TRIOBP: variants seen among roughly 807,000 people sequenced by gnomAD.
TRIOBP encodes the protein TRIO and F-actin-binding protein.
TRIOBP carries 169 observed loss-of-function variants against 238.8 expected under a neutral mutation model. That is an observed-to-expected ratio of 0.71 (90% CI 0.62 to 0.80). The LOEUF is 0.80. Among genes scored for constraint, TRIOBP ranks in the 30% least tolerant of loss-of-function variants. TRIOBP has a pLI of 0.00. For missense variants in TRIOBP, 2,838 were observed against 3,122.6 expected, an observed-to-expected ratio of 0.91 and a Z score of 2.17; for synonymous variants, 1,150 against 1,274.4, an observed-to-expected ratio of 0.90 and a Z score of 2.08.
rs1208906158 is a variant in TRIOBP, at chr22:37,725,213, C to G, written c.2657C>G (p.Ser886Cys). 3 of 1,614,056 alleles carry G rather than the reference C, an allele frequency of 1.9e-6. No individual in the cohort carries two copies. The highest frequency in any genetic ancestry group is 1.1e-5 in the South Asian group (1 of 91,082). Residue 886 changes from serine (S) to cysteine (C), a missense_variant, in exon 7 of 24, where the codon TCC becomes TGC. Physicochemically the swap from Ser to Cys is moderately radical, Grantham distance 112. This residue lies in a region of TRIOBP where 2,096 missense variants were observed against 2,137.4 expected (regional missense o/e 0.98). Coordinates refer to ENST00000644935, the MANE Select transcript of TRIOBP (RefSeq NM_001039141.3). ...CTGAGACCATCATCTCCCCACCGCT[C>G]CACTCAATGGAACAATCCCAGGAAT... ...ENLRPSSPHR[S>C]TQWNNPRNSS...
intron 7 of TRIOBP, among the ~76,000 whole-genome samples, chr22:37,727,563 G>A (rs1339610744): frequency 6.6e-6 from 1 of 152,148 alleles, no homozygotes. Flanking sequence ...AGCAACTCGG[G>A]AGGCTGAGGC....
At chr22:37,762,215 C>T (rs917272335) in intron 17 of TRIOBP, among the ~76,000 whole-genome samples, 19 of 152,146 alleles carry the variant, frequency 1.2e-4, no homozygotes, top group African/African-American at 4.6e-4. Flanking sequence ...CAGGCTACAC[C>T]ACCATGCCTG....
chr22:37,768,543 G>A (rs187575357), intron 19 of TRIOBP, among the ~76,000 whole-genome samples: 14 of 152,260 alleles, frequency 9.2e-5, no homozygotes, highest in Non-Finnish European at 1.8e-4. Flanking sequence ...CCCTCCAGCC[G>A]GGCACATTGG....
intron 6 of TRIOBP, among the ~76,000 whole-genome samples, chr22:37,717,750 A>C (rs1042311388): frequency 8.5e-5 from 13 of 152,200 alleles, no homozygotes; most frequent in African/African-American, 2.7e-4. Flanking sequence ...CCAAGTTCCC[A>C]CTACACTCAG....
intron 12 of TRIOBP, among the ~76,000 whole-genome samples, chr22:37,752,313 C>T (rs920776535): frequency 6.6e-6 from 1 of 152,194 alleles, no homozygotes; most frequent in Non-Finnish European, 1.5e-5. Flanking sequence ...GTGATTCTTT[C>T]TAGAGTGGAT....
intron 11 of TRIOBP, among the ~76,000 whole-genome samples, chr22:37,745,846 C>G (rs1452892820): frequency 6.6e-6 from 1 of 152,212 alleles, no homozygotes; most frequent in Non-Finnish European, 1.5e-5. Context: ...CTAGCGGACC[C>G]ATCGCTCCGG....
intron 3 of TRIOBP, among the ~76,000 whole-genome samples, chr22:37,702,209 T>G (rs1922688418): frequency 1.3e-5 from 2 of 152,036 alleles, no homozygotes; most frequent in Non-Finnish European, 2.9e-5. Context: ...TTTCTTTTTC[T>G]TTTTTTTGAG....
chr22:37,737,314 C>A (rs1000686784), intron 9 of TRIOBP, among the ~76,000 whole-genome samples: 1 of 152,104 alleles, frequency 6.6e-6, no homozygotes, highest in Admixed American at 6.6e-5. Context: ...GATGACAAAA[C>A]GAGTAACCAC....
chr22:37,737,119 A>T (rs1375521831), intron 9 of TRIOBP, among the ~76,000 whole-genome samples: 1 of 152,198 alleles, frequency 6.6e-6, no homozygotes, highest in Non-Finnish European at 1.5e-5. Flanking sequence ...TTAGGAAGGC[A>T]CACAGACAGC....
chr22:37,770,152 C>T (rs1178207962), intron 21 of TRIOBP, among the ~76,000 whole-genome samples: 4 of 147,038 alleles, frequency 2.7e-5, no homozygotes, highest in Non-Finnish European at 1.5e-5. Flanking sequence ...TAAAACGATT[C>T]TCCTGGCCGG....
chr22:37,762,757 G>GCGAATTTCCAT (rs1926308763), intron 17 of TRIOBP, among the ~76,000 whole-genome samples: 1 of 152,174 alleles, frequency 6.6e-6, no homozygotes, highest in Admixed American at 6.5e-5. Flanking sequence ...ACGGGAGGAG[G>GCGAATTTCCAT]CGGATGGAAA....
Position 37,758,250 on chromosome 22 carries a change from C to A in TRIOBP, c.6213+112C>A, listed in dbSNP as rs566510792. On this transcript the variant is annotated intron_variant, in intron 16 of 23. Transcript: ENST00000644935. ...CTCCTACAGTGATGGGGAGCTCACC[C>A]CTGATCTGCTGTGAGTGTGCACCCC... 16 of 1,370,066 alleles carry A rather than the reference C, an allele frequency of 1.2e-5. No homozygotes were observed. The African/African-American group carries it at 2.3e-4, about 20-fold the overall frequency. 84.9% of individuals were successfully genotyped at this position (1,370,066 alleles called of 1,614,324 possible).
At position 37,701,337 on chromosome 22, in the gene TRIOBP, A is replaced by G. The variant is rs750993628; in HGVS notation, c.-29A>G. 1.4e-5 allele frequency: 22 copies of G among 1,571,836 alleles called. No individual in the cohort carries two copies. The highest frequency in any genetic ancestry group is 1.8e-5 in the Non-Finnish European group (21 of 1,147,340). On this transcript the variant is annotated 5_prime_UTR_variant, in exon 3 of 24. The change creates a new upstream start codon in the 5' untranslated region. Transcript: ENST00000644935. ...CATAGACGGTCAGCCATTGGATCAT[A>G]GGAACTGCCCTGGCCTGACTCACCC...
chr22:37,751,883 C>T, intron 12 of TRIOBP, 55 bp downstream of exon 12: 1 of 1,346,012 alleles, frequency 7.4e-7, no homozygotes, highest in South Asian at 1.1e-5. Context: ...TGCTGGGCCC[C>T]TGGGCAGCCC....
chr22:37,755,622 A>C lies in TRIOBP; in HGVS notation c.5650A>C (p.Lys1884Gln). 6.2e-7 allele frequency: 1 copy of C among 1,614,062 alleles called. No homozygotes were observed. Among genetic ancestry groups the C allele is most frequent in the Non-Finnish European group, 8.5e-7 (1 of 1,180,022 alleles). Reference sequence around the variant, plus strand: ...GCGGAACTGGATCGAGGCTCTGAGAAAGACCGTACGTCCAACTTCAGCCCC... The same window carrying C: ...GCGGAACTGGATCGAGGCTCTGAGACAGACCGTACGTCCAACTTCAGCCCC... ...IRRNWIEALRKTVRPTSAPDV... is the reference protein window; with the variant it reads ...IRRNWIEALRQTVRPTSAPDV... The change falls in exon 15 of 24, where the codon AAG becomes CAG. Residue 1884 changes from lysine to glutamine, a missense_variant. By Grantham distance (53) the Lys-to-Gln change is moderately conservative. Transcript: ENST00000644935.
At chr22:37,753,708 A>G (rs1447661991) in intron 12 of TRIOBP, among the ~76,000 whole-genome samples, 3 of 152,238 alleles carry the variant, frequency 2.0e-5, no homozygotes, top group Non-Finnish European at 4.4e-5. Context: ...TCAGGGAGGC[A>G]ATGTGGAAAG....
At chr22:37,759,910 C>T (rs1482014599) in intron 17 of TRIOBP, 1 of 315,852 alleles carries the variant, frequency 3.2e-6, no homozygotes, top group Non-Finnish European at 5.1e-6. Flanking sequence ...AAAAACAATG[C>T]TTAGTACACA....
At chr22:37,732,485 G>T (rs1398773528) in intron 7 of TRIOBP, among the ~76,000 whole-genome samples, 6 of 146,104 alleles carry the variant, frequency 4.1e-5, no homozygotes, top group Non-Finnish European at 9.0e-5. Context: ...ACTCCAGCCT[G>T]GGTGACAGAG....
chr22:37,752,044 T>C (rs138778728), intron 12 of TRIOBP, among the ~76,000 whole-genome samples: 46 of 152,250 alleles, frequency 3.0e-4, no homozygotes, highest in African/African-American at 1.1e-3. Flanking sequence ...TCACACCCAG[T>C]GCCCCATCCC....
Sources: gnomAD v4.1 joint callset for allele counts (sites outside exome capture counted in the v4.1 genomes callset) on GRCh38, gnomAD v4.1.1 for gene constraint, gnomAD v4.1.1 regional missense constraint, MANE v1.5 for transcripts, NCBI Gene and HGNC (gene_info 2026-07-23, HGNC 2026-07-21) for gene names.